AGAP1: variants seen among roughly 807,000 people sequenced by gnomAD.
The protein encoded by AGAP1 is ArfGAP with GTPase domain, ankyrin repeat and PH domain 1.
Under a neutral mutation model 105.3 loss-of-function variants are expected in AGAP1, and 29 were observed. The ratio of observed to expected loss-of-function variants is 0.28; its 90% CI spans 0.21 to 0.38. The LOEUF is 0.38. Ranked by LOEUF, AGAP1 falls within the 10% of genes least tolerant of loss-of-function variation. The probability of loss-of-function intolerance (pLI) is 1.00; values close to 1 mark genes in which losing one functional copy is unlikely to be tolerated. For missense variants in AGAP1, 998 were observed against 1,165.1 expected, an observed-to-expected ratio of 0.86 and a Z score of 2.09; for synonymous variants, 509 against 485.9, an observed-to-expected ratio of 1.05 and a Z score of -0.63.
chr2:235,670,001 T>G, intron 1 of AGAP1: 1 of 296,232 alleles, frequency 3.4e-6, no homozygotes, highest in Non-Finnish European at 6.1e-6. Flanking sequence ...GCGGGGGGCG[T>G]GGGCCACACT....
intron 13 of AGAP1, among the ~76,000 whole-genome samples, chr2:235,987,716 T>C (rs1161511768): frequency 6.6e-6 from 1 of 152,220 alleles, no homozygotes; most frequent in Non-Finnish European, 1.5e-5. Flanking sequence ...CTCTTTGTTC[T>C]CATTGGTTTC....
chr2:236,013,332 C>T (rs2056582637), intron 13 of AGAP1, among the ~76,000 whole-genome samples: 1 of 152,198 alleles, frequency 6.6e-6, no homozygotes, highest in Non-Finnish European at 1.5e-5. Flanking sequence ...AGTCATCACC[C>T]TGGGTCATTT....
At chr2:235,648,412 A>G (rs1491002408) in intron 1 of AGAP1, among the ~76,000 whole-genome samples, 2 of 152,202 alleles carry the variant, frequency 1.3e-5, no homozygotes, top group Admixed American at 6.5e-5. Context: ...AAGAGTCTGC[A>G]CATGACAGCT....
chr2:235,764,519 G>C (rs554411940), intron 6 of AGAP1, among the ~76,000 whole-genome samples: 3 of 152,336 alleles, frequency 2.0e-5, no homozygotes, highest in Admixed American at 6.5e-5. Context: ...TGAAATATCA[G>C]GATTTCAGAA....
intron 13 of AGAP1, among the ~76,000 whole-genome samples, chr2:235,980,923 A>G (rs2055065403): frequency 6.6e-6 from 1 of 152,216 alleles, no homozygotes; most frequent in Non-Finnish European, 1.5e-5. Context: ...AGAAAATCAG[A>G]CAATTAAACC....
At chr2:235,643,222 G>A (rs1947256523) in intron 1 of AGAP1, among the ~76,000 whole-genome samples, 1 of 151,906 alleles carries the variant, frequency 6.6e-6, no homozygotes, top group Non-Finnish European at 1.5e-5. Context: ...CACGAGGTCA[G>A]GAGTTCCAGA....
At chr2:235,807,121 C>T in intron 8 of AGAP1, 118 bp from the exon 9 acceptor site, 1 of 966,448 alleles carries the variant, frequency 1.0e-6, no homozygotes, top group Non-Finnish European at 1.6e-6. Flanking sequence ...TCTGTGCGCA[C>T]ACATAGATCG....
rs531138667 is a variant in AGAP1 at position 236,056,624 on chromosome 2, A to C, written c.2114+7343A>C. Among the ~76,000 whole-genome samples the C allele has an allele frequency of 3.3e-5, 5 of 152,280 alleles. No homozygotes were observed. The highest frequency in any genetic ancestry group is 1.2e-4 in the African/African-American group (5 of 41,556). Reference sequence around the variant, plus strand: ...TCCTCCAGCAGTCAAGCATTTTCCAAAGGGCCCTGTCTTTCAGTCGTGTTT... The same window carrying C: ...TCCTCCAGCAGTCAAGCATTTTCCACAGGGCCCTGTCTTTCAGTCGTGTTT... On this transcript the variant is annotated intron_variant, in intron 16 of 17. Coordinates refer to ENST00000304032, the MANE Select transcript of AGAP1 (RefSeq NM_001037131.3). The surrounding 1 kb of genome is among the most constrained non-coding windows in gnomAD (Gnocchi z 4.6).
rs1446473788 is a variant in AGAP1 at position 235,865,614 on chromosome 2, A to C, written c.1051-17731A>C. On this transcript the variant is annotated intron_variant, in intron 9 of 17. Coordinates refer to ENST00000304032, the MANE Select transcript of AGAP1 (RefSeq NM_001037131.3). The surrounding 1 kb of genome is among the most constrained non-coding windows in gnomAD (Gnocchi z 6.2). ...CCTCCCCCAACTCCCTCCACTGTACAGAAGGAGCTGCAGAAAAGCCTCCAT... is the reference window on the plus strand; with the variant it reads ...CCTCCCCCAACTCCCTCCACTGTACCGAAGGAGCTGCAGAAAAGCCTCCAT... Among the ~76,000 whole-genome samples the C allele has an allele frequency of 6.6e-6, 1 of 152,158 alleles. No individual in the cohort carries two copies. The highest frequency in any genetic ancestry group is 2.4e-5 in the African/African-American group (1 of 41,434).
At chr2:235,591,685 G>T (rs1335571216) in intron 1 of AGAP1, among the ~76,000 whole-genome samples, 1 of 152,200 alleles carries the variant, frequency 6.6e-6, no homozygotes, top group Non-Finnish European at 1.5e-5. Context: ...GGGTCATGGG[G>T]GTGAATCCTT....
chr2:236,103,098 A>G (rs2059400244), intron 16 of AGAP1, among the ~76,000 whole-genome samples: 2 of 148,904 alleles, frequency 1.3e-5, no homozygotes, highest in African/African-American at 5.0e-5. Flanking sequence ...CTCCCAGAAG[A>G]CTCAGCCCCC....
intron 11 of AGAP1, among the ~76,000 whole-genome samples, chr2:235,920,440 G>A (rs573884555): frequency 2.0e-4 from 30 of 152,280 alleles, no homozygotes; most frequent in African/African-American, 6.3e-4. Flanking sequence ...TGCCCCAAGC[G>A]CAGGGTTGTT....
At chr2:235,651,184 C>CAAAAAAAAAAAAAAAAAAAAAAAAA (rs55990003) in intron 1 of AGAP1, among the ~76,000 whole-genome samples, 1 of 54,112 alleles carries the variant, frequency 1.8e-5, no homozygotes, top group Non-Finnish European at 3.7e-5. Flanking sequence ...AACTCCATCT[C>CAAAAAAAAAAAAAAAAAAAAAAAAA]AAAAAAAAAA....
Position 235,751,929 on chromosome 2 carries a change from C to T in AGAP1, c.673+1441C>T, listed in dbSNP as rs10174438. Reference sequence around the variant, plus strand: ...CTCGGGCACCTCCTGCTGCCTCTGTCGGGAGAATGTCCTGTGGGGAGTAAA... The same window carrying T: ...CTCGGGCACCTCCTGCTGCCTCTGTTGGGAGAATGTCCTGTGGGGAGTAAA... On this transcript the variant is annotated intron_variant, in intron 6 of 17. Coordinates refer to ENST00000304032, the MANE Select transcript of AGAP1 (RefSeq NM_001037131.3). The surrounding 1 kb of genome is among the most constrained non-coding windows in gnomAD (Gnocchi z 5.3). Among the ~76,000 whole-genome samples, 2,796 of 152,264 alleles carry T rather than the reference C, an allele frequency of 0.018. 82 individuals carry two copies. Among genetic ancestry groups the T allele is most frequent in the African/African-American group, 0.064 (2,647 of 41,558 alleles).
rs900839327 is a variant in AGAP1, at chr2:235,513,613, G to A, written c.163+18764G>A. 4.3e-4 allele frequency among the ~76,000 whole-genome samples: 65 copies of A among 151,732 alleles called. 1 individual carries two copies. Among genetic ancestry groups the A allele is most frequent in the Middle Eastern group, 3.4e-3 (1 of 294 alleles). On this transcript the variant is annotated intron_variant, in intron 1 of 17. Transcript: ENST00000304032. ...TCAGTGGGTGGCGGGTGAGGCCTGGGAACTTCATGACGAGCCCCCTGGCAA... is the reference window on the plus strand; with the variant it reads ...TCAGTGGGTGGCGGGTGAGGCCTGGAAACTTCATGACGAGCCCCCTGGCAA...
intron 1 of AGAP1, among the ~76,000 whole-genome samples, chr2:235,693,745 T>C (rs1198052587): frequency 6.6e-6 from 1 of 152,160 alleles, no homozygotes; most frequent in Non-Finnish European, 1.5e-5. Flanking sequence ...TAGGAGGATG[T>C]AGAAATTAGA....
intron 13 of AGAP1, among the ~76,000 whole-genome samples, chr2:235,986,152 T>G (rs2055306418): frequency 6.6e-6 from 1 of 152,112 alleles, no homozygotes; most frequent in Admixed American, 6.6e-5. Context: ...CCTTGAGCAG[T>G]GGTTTGTCGT....
In AGAP1 at chr2:235,623,641, C is replaced by T. The variant is rs562810915; in HGVS notation, c.164-85538C>T. On this transcript the variant is annotated intron_variant, in intron 1 of 17. Transcript: ENST00000304032. The surrounding 1 kb of genome is among the most constrained non-coding windows in gnomAD (Gnocchi z 4.5). The stretch of plus-strand genomic sequence containing the variant: ...CATGGTAGGTTAGGGTGCTGTGTTG[C>T]AGGTCTGTGATGCAGTTGCCATATA... Among the ~76,000 whole-genome samples, 1 of 152,244 alleles carries T rather than the reference C, an allele frequency of 6.6e-6. No homozygotes were observed. Among genetic ancestry groups the T allele is most frequent in the African/African-American group, 2.4e-5 (1 of 41,554 alleles).
In AGAP1 at chr2:236,002,135, G is replaced by A. The variant is rs1250660573; in HGVS notation, c.1645+33512G>A. Among the ~76,000 whole-genome samples, 2 of 152,278 alleles carry A rather than the reference G, an allele frequency of 1.3e-5. No individual in the cohort carries two copies. The highest frequency in any genetic ancestry group is 2.1e-4 in the South Asian group (1 of 4,822). On this transcript the variant is annotated intron_variant, in intron 13 of 17. Coordinates refer to ENST00000304032, the MANE Select transcript of AGAP1 (RefSeq NM_001037131.3). This position sits in a 1 kb window ranked among gnomAD's most constrained non-coding sequence, Gnocchi z 4.3. Reference sequence around the variant, plus strand: ...CATGCCAGGAAGAGCTGGCTTCCCCGCACAAGCAGTGCTACCAAGGGTCCA... The same window carrying A: ...CATGCCAGGAAGAGCTGGCTTCCCCACACAAGCAGTGCTACCAAGGGTCCA...
Sources: gnomAD v4.1 joint callset for allele counts (sites outside exome capture counted in the v4.1 genomes callset) on GRCh38, gnomAD v4.1.1 for gene constraint, Gnocchi (gnomAD v3.1) non-coding constraint, MANE v1.5 for transcripts, NCBI Gene and HGNC (gene_info 2026-07-23, HGNC 2026-07-21) for gene names.